Variants in MIGA1 observed in about 807,000 individuals in gnomAD.
The protein encoded by MIGA1 is mitoguardin 1.
A neutral mutation model predicts 82.0 loss-of-function variants in MIGA1; 58 were observed. The observed-to-expected ratio is 0.71, with a 90% CI of 0.57 to 0.88. The LOEUF (loss-of-function observed/expected upper bound fraction) is 0.88, where lower values mean the gene tolerates loss of function less well. Among genes scored for constraint, MIGA1 ranks in the 40% least tolerant of loss-of-function variants. The probability of loss-of-function intolerance (pLI) is 0.00; values close to 1 mark genes in which losing one functional copy is unlikely to be tolerated. For missense variants in MIGA1, 751 were observed against 749.1 expected, an observed-to-expected ratio of 1.00 and a Z score of -0.03; for synonymous variants, 249 against 253.6, an observed-to-expected ratio of 0.98 and a Z score of 0.17.
chr1:77,862,961 A>T (rs1685523386), intron 12 of MIGA1, among the ~76,000 whole-genome samples: 1 of 151,836 alleles, frequency 6.6e-6, no homozygotes, highest in Non-Finnish European at 1.5e-5. Context: ...AAAAAAAAAA[A>T]GAGTGAGTTT....
intron 13 of MIGA1, 139 bp from the exon 14 acceptor site, chr1:77,866,199 G>C (rs1685659121): frequency 1.4e-6 from 1 of 693,632 alleles, no homozygotes; most frequent in East Asian, 2.9e-5. Flanking sequence ...ACAGATGTGA[G>C]CCACTGTGCC....
At chr1:77,780,424 T>C (rs1183865373) in intron 1 of MIGA1, among the ~76,000 whole-genome samples, 2 of 152,232 alleles carry the variant, frequency 1.3e-5, no homozygotes, top group Admixed American at 6.5e-5. Context: ...TATTGTTGTT[T>C]TATTGTTGTT....
At chr1:77,807,399 A>G (rs1373663084) in intron 5 of MIGA1, among the ~76,000 whole-genome samples, 4 of 152,132 alleles carry the variant, frequency 2.6e-5, no homozygotes, top group Non-Finnish European at 5.9e-5. Flanking sequence ...CCTGAGCTCA[A>G]GCAATCTGCC....
chr1:77,859,937 T>TG, intron 10 of MIGA1, 103 bp from the exon 11 acceptor site: 1 of 701,102 alleles, frequency 1.4e-6, no homozygotes, highest in Non-Finnish European at 2.4e-6. Context: ...TAGCACCACA[T>TG]GCAATGCATT....
chr1:77,798,052 A>G (rs906228509), intron 2 of MIGA1, among the ~76,000 whole-genome samples: 1 of 152,218 alleles, frequency 6.6e-6, no homozygotes, highest in Non-Finnish European at 1.5e-5. Flanking sequence ...ATTAAGCATG[A>G]TCTTAGCTAC....
intron 2 of MIGA1, among the ~76,000 whole-genome samples, chr1:77,794,826 C>A (rs1682585242): frequency 6.6e-6 from 1 of 152,134 alleles, no homozygotes; most frequent in African/African-American, 2.4e-5. Context: ...CACACACACC[C>A]CTTGATCATT....
chr1:77,797,349 C>T (rs1179431040), intron 2 of MIGA1, among the ~76,000 whole-genome samples: 1 of 152,174 alleles, frequency 6.6e-6, no homozygotes, highest in Non-Finnish European at 1.5e-5. Flanking sequence ...TGCAGGCTGT[C>T]TATTCTACTG....
chr1:77,848,073 G>T (rs764303757), intron 8 of MIGA1: 8 of 1,295,308 alleles, frequency 6.2e-6, no homozygotes, highest in Non-Finnish European at 9.0e-6. Context: ...GAGAGGACAC[G>T]AGAAAAGGGA....
At chr1:77,848,174 G>A (rs1447674122) in intron 8 of MIGA1, 3 of 1,427,978 alleles carry the variant, frequency 2.1e-6, no homozygotes, top group South Asian at 2.3e-5. Context: ...ATAGGCACAG[G>A]AGACCAGTCA....
chr1:77,872,124 T>C (rs374628491), intron 14 of MIGA1, among the ~76,000 whole-genome samples: 1 of 152,104 alleles, frequency 6.6e-6, no homozygotes, highest in South Asian at 2.1e-4. Context: ...CACACCACCA[T>C]GCCTGGCTAA....
intron 14 of MIGA1, among the ~76,000 whole-genome samples, chr1:77,866,929 C>T (rs1046519665): frequency 5.3e-5 from 8 of 152,142 alleles, no homozygotes; most frequent in African/African-American, 1.9e-4. Flanking sequence ...ATCCGCCCGC[C>T]TTGGCCTCCC....
chr1:77,804,455 C>T (rs1415689110), intron 4 of MIGA1, among the ~76,000 whole-genome samples: 1 of 152,010 alleles, frequency 6.6e-6, no homozygotes, highest in East Asian at 1.9e-4. Flanking sequence ...TGTGGTGGTG[C>T]CTATAGTCTC....
chr1:77,781,200 C>T lies in MIGA1; in HGVS notation c.81+1464C>T, dbSNP rs529537724. Among the ~76,000 whole-genome samples the T allele has an allele frequency of 3.3e-5, 5 of 152,218 alleles. No individual in the cohort carries two copies. The South Asian group carries it at 6.2e-4, about 19-fold the overall frequency. On this transcript the variant is annotated intron_variant, in intron 1 of 15. Transcript: ENST00000370791. The stretch of plus-strand genomic sequence containing the variant: ...CTGGGATTACAGGCGTGAGCCACCA[C>T]GCCTGGCCGAGGTTTGTCATAATCT...
chr1:77,782,836 A>C, intron 1 of MIGA1: 1 of 984,070 alleles, frequency 1.0e-6, no homozygotes, highest in Non-Finnish European at 1.2e-6. Flanking sequence ...CCTGCCTGCC[A>C]CCTACTCTCA....
chr1:77,878,586 A>T lies in MIGA1; in HGVS notation c.*3522A>T, dbSNP rs775714242. ...CTCTACCATCCACTTCCATATGTAA[A>T]TTATAAGAGGGACTTCAATTAAGTC... On this transcript the variant is annotated 3_prime_UTR_variant, in exon 16 of 16. Coordinates refer to ENST00000370791, the MANE Select transcript of MIGA1 (RefSeq NM_198549.4). 84 of 278,210 alleles carry T rather than the reference A, an allele frequency of 3.0e-4. No homozygotes were observed. The highest frequency in any genetic ancestry group is 4.8e-4 in the Non-Finnish European group (72 of 150,354). 17.2% of individuals were successfully genotyped at this position (278,210 alleles called of 1,614,324 possible).
rs1037434684 is a variant in MIGA1 at position 77,873,780 on chromosome 1, A to G, written c.1680+660A>G. Among the ~76,000 whole-genome samples, 7 of 152,344 alleles carry G rather than the reference A, an allele frequency of 4.6e-5. No individual in the cohort carries two copies. The South Asian group carries it at 1.0e-3, about 23-fold the overall frequency. ...AATTTGAAAGTTTGGATGTTTTACT[A>G]TACCATTCATTTTTTAAAATTATGT... is the stretch of plus-strand genomic sequence containing the variant. On this transcript the variant is annotated intron_variant, in intron 15 of 15. Transcript: ENST00000370791.
intron 7 of MIGA1, among the ~76,000 whole-genome samples, chr1:77,823,545 C>T (rs759054088): frequency 5.4e-4 from 82 of 152,116 alleles, no homozygotes; most frequent in Non-Finnish European, 2.2e-4. Flanking sequence ...AAATTGAATG[C>T]AAATCCCAAA....
chr1:77,838,089 A>G (rs6679645), intron 7 of MIGA1, among the ~76,000 whole-genome samples: 4,785 of 152,278 alleles, frequency 0.031, 87 homozygotes, highest in Middle Eastern at 0.071. Flanking sequence ...GCTCTCAGCT[A>G]TTTGGGACCA....
chr1:77,818,779 A>G (rs1683679034), intron 7 of MIGA1, among the ~76,000 whole-genome samples: 1 of 152,096 alleles, frequency 6.6e-6, no homozygotes, highest in Admixed American at 6.6e-5. Flanking sequence ...AACTCTAGAT[A>G]AAAAATTAGC....
Sources: allele counts gnomAD v4.1 joint callset (sites outside exome capture counted in the v4.1 genomes callset), GRCh38; gene constraint gnomAD v4.1.1; transcripts MANE v1.5; gene names NCBI Gene and HGNC (gene_info 2026-07-23, HGNC 2026-07-21).